The following PRDM16 variants were observed in gnomAD, a reference collection of about 807,000 sequenced individuals.
The protein encoded by PRDM16 is PR/SET domain 16.
PRDM16 carries 23 observed loss-of-function variants against 110.6 expected under a neutral mutation model. The ratio of observed to expected loss-of-function variants is 0.21; its 90% CI spans 0.15 to 0.29. The LOEUF (loss-of-function observed/expected upper bound fraction) is 0.29, where lower values mean the gene tolerates loss of function less well. Among genes scored for constraint, PRDM16 ranks in the 10% least tolerant of loss-of-function variants. PRDM16 has a pLI of 1.00. For synonymous variants in PRDM16, 799 were observed against 781.8 expected (o/e 1.02, Z -0.37); for missense variants, 1,615 against 1,794.3 (o/e 0.90, Z 1.81).
In PRDM16 at chr1:3,157,489, G is replaced by T. The variant is rs980738616; in HGVS notation, c.38-28636G>T. Among the ~76,000 whole-genome samples the T allele has an allele frequency of 1.3e-5, 2 of 150,108 alleles. No individual in the cohort carries two copies. The highest frequency in any genetic ancestry group is 2.9e-5 in the Non-Finnish European group (2 of 67,852). On this transcript the variant is annotated intron_variant, in intron 1 of 16. Coordinates refer to ENST00000270722, the MANE Select transcript of PRDM16 (RefSeq NM_022114.4). This position sits in a 1 kb window ranked among gnomAD's most constrained non-coding sequence, Gnocchi z 4.8. ...TTGATTGTCTCTTGAAAACAGACATGGGCCAGATCCAGTTGTTTGGTAGGA... is the reference window on the plus strand; with the variant it reads ...TTGATTGTCTCTTGAAAACAGACATTGGCCAGATCCAGTTGTTTGGTAGGA...
rs1050285087 is a variant in PRDM16, at chr1:3,243,180, C to T, written c.388-907C>T. Among the ~76,000 whole-genome samples the T allele has an allele frequency of 7.8e-4, 119 of 152,290 alleles. No homozygotes were observed. Among genetic ancestry groups the T allele is most frequent in the African/African-American group, 2.7e-3 (112 of 41,546 alleles). ...ACACGTGGGTGAGGGGGTGGGAGCT[C>T]CTGTGTGGCCCACAGCCCGCTGCTG... On this transcript the variant is annotated intron_variant, in intron 2 of 16. Coordinates refer to ENST00000270722, the MANE Select transcript of PRDM16 (RefSeq NM_022114.4). The surrounding 1 kb of genome is among the most constrained non-coding windows in gnomAD (Gnocchi z 5.5).
chr1:3,267,968 G>T (rs995230325), intron 3 of PRDM16, among the ~76,000 whole-genome samples: 2 of 152,234 alleles, frequency 1.3e-5, no homozygotes, highest in African/African-American at 4.8e-5. Flanking sequence ...TGTGACAGGG[G>T]GTGGATCTGC....
chr1:3,350,776 C>T lies in PRDM16; in HGVS notation c.439-34376C>T, dbSNP rs1470929612. ...GTGTCTGCCGACTTCTTCCCAATGC[C>T]GCGTCCAGTGTTTTCCTCTTTCTGG... On this transcript the variant is annotated intron_variant, in intron 3 of 16. Coordinates refer to ENST00000270722, the MANE Select transcript of PRDM16 (RefSeq NM_022114.4). This position sits in a 1 kb window ranked among gnomAD's most constrained non-coding sequence, Gnocchi z 7.1. Among the ~76,000 whole-genome samples the T allele has an allele frequency of 2.0e-5, 3 of 152,130 alleles. No individual in the cohort carries two copies. The highest frequency in any genetic ancestry group is 7.2e-5 in the African/African-American group (3 of 41,426).
At chr1:3,090,731 C>T (rs185257946) in intron 1 of PRDM16, among the ~76,000 whole-genome samples, 227 of 152,358 alleles carry the variant, frequency 1.5e-3, no homozygotes, top group African/African-American at 4.8e-3. Context: ...GGCTGCACCA[C>T]GGCCTGACCC....
At chr1:3,235,529 G>A (rs910514283) in intron 2 of PRDM16, among the ~76,000 whole-genome samples, 7 of 152,266 alleles carry the variant, frequency 4.6e-5, no homozygotes, top group Admixed American at 2.0e-4. Flanking sequence ...GATCCTTCCC[G>A]CTCGCCCCGC....
At chr1:3,137,212 G>A (rs560964837) in intron 1 of PRDM16, among the ~76,000 whole-genome samples, 2 of 152,234 alleles carry the variant, frequency 1.3e-5, no homozygotes, top group Admixed American at 1.3e-4. Context: ...ACCGAGAGCA[G>A]GGCCTTTCCT....
chr1:3,103,542 G>C (rs1642579719), intron 1 of PRDM16, among the ~76,000 whole-genome samples: 2 of 152,242 alleles, frequency 1.3e-5, no homozygotes, highest in South Asian at 4.1e-4. Flanking sequence ...GAGCATGACT[G>C]TTAGTGATAA....
At chr1:3,404,205 G>A (rs570921852) in intron 6 of PRDM16, among the ~76,000 whole-genome samples, 46 of 152,190 alleles carry the variant, frequency 3.0e-4, no homozygotes, top group Non-Finnish European at 5.3e-4. Flanking sequence ...GAATTAGAGC[G>A]ACTCCTTCAT....
intron 3 of PRDM16, among the ~76,000 whole-genome samples, chr1:3,314,825 G>T (rs1033906543): frequency 1.3e-5 from 2 of 152,212 alleles, no homozygotes; most frequent in Non-Finnish European, 2.9e-5. Flanking sequence ...CAGACAGATG[G>T]GACAGGAAAC....
intron 3 of PRDM16, among the ~76,000 whole-genome samples, chr1:3,289,355 C>A (rs376027496): frequency 6.6e-6 from 1 of 152,192 alleles, no homozygotes; most frequent in Non-Finnish European, 1.5e-5. Flanking sequence ...TCCCGATGCC[C>A]GCCGGAGTCT....
chr1:3,249,638 T>G (rs957750002), intron 3 of PRDM16, among the ~76,000 whole-genome samples: 4 of 152,200 alleles, frequency 2.6e-5, no homozygotes, highest in Admixed American at 6.5e-5. Context: ...TATGTCTTTA[T>G]GAAATCCAAG....
At position 3,404,840 on chromosome 1, in the gene PRDM16, T is replaced by G; in HGVS notation, c.986T>G (p.Met329Arg). ...NWKSNLIRHQ[M>R]SHDSGKRFEC... ...AAGTCCAACCTCATCCGCCACCAGA[T>G]GTCCCACGACAGCGGCAAACGCTTC... is the stretch of plus-strand genomic sequence containing the variant. The change falls in exon 7 of 17, where the codon ATG (methionine) becomes AGG (arginine). Residue 329 changes from methionine to arginine, a missense_variant. By Grantham distance (91) the Met-to-Arg change is moderately conservative (BLOSUM62 -1). Transcript: ENST00000270722. 6.2e-7 allele frequency: 1 copy of G among 1,613,522 alleles called. No individual in the cohort carries two copies. The highest frequency in any genetic ancestry group is 1.7e-4 in the Middle Eastern group (1 of 6,060).
At chr1:3,411,015 G>A (rs1168738650) in intron 8 of PRDM16, among the ~76,000 whole-genome samples, 1 of 152,154 alleles carries the variant, frequency 6.6e-6, no homozygotes, top group Non-Finnish European at 1.5e-5. Flanking sequence ...GATCTGTGCT[G>A]GTCACTGGAG....
chr1:3,146,571 G>A (rs574950894), intron 1 of PRDM16, among the ~76,000 whole-genome samples: 1 of 148,780 alleles, frequency 6.7e-6, no homozygotes, highest in African/African-American at 2.5e-5. Context: ...ACACATGTGT[G>A]CTCGGTGTGG....
At chr1:3,404,209 C>T (rs1320231759) in intron 6 of PRDM16, among the ~76,000 whole-genome samples, 1 of 152,206 alleles carries the variant, frequency 6.6e-6, no homozygotes, top group African/African-American at 2.4e-5. Context: ...TAGAGCGACT[C>T]CTTCATCCAA....
chr1:3,433,432 C>T (rs921422367), intron 16 of PRDM16, among the ~76,000 whole-genome samples: 4 of 152,154 alleles, frequency 2.6e-5, no homozygotes, highest in African/African-American at 9.7e-5. Context: ...GATGGCCTGT[C>T]CTGCCCACAC....
chr1:3,390,836 T>C lies in PRDM16; in HGVS notation c.573+5550T>C, dbSNP rs1407334586. On this transcript the variant is annotated intron_variant, in intron 4 of 16. Coordinates refer to ENST00000270722, the MANE Select transcript of PRDM16 (RefSeq NM_022114.4). The surrounding 1 kb of genome is among the most constrained non-coding windows in gnomAD (Gnocchi z 5.0). ...TTTGCTTTTATCTCTCACAGTGTGT[T>C]TTTTTTTTTTTTTTTTTAGACAGAG... Among the ~76,000 whole-genome samples, 4 of 75,736 alleles carry C rather than the reference T, an allele frequency of 5.3e-5. No individual in the cohort carries two copies. The East Asian group carries it at 4.9e-3, about 94-fold the overall frequency. 49.7% of individuals were successfully genotyped at this position (75,736 alleles called of 152,430 possible).
intron 1 of PRDM16, among the ~76,000 whole-genome samples, chr1:3,128,725 G>C (rs61765197): frequency 2.0e-5 from 3 of 152,018 alleles, no homozygotes; most frequent in Non-Finnish European, 4.4e-5. Context: ...TCCCACCCGG[G>C]TCGGTGGCTG....
chr1:3,240,548 G>A (rs916830916), intron 2 of PRDM16, among the ~76,000 whole-genome samples: 11 of 152,144 alleles, frequency 7.2e-5, no homozygotes, highest in African/African-American at 2.7e-4. Flanking sequence ...AGCCTCCTCC[G>A]CACCGGGCTC....
Sources: gnomAD v4.1 joint callset for allele counts (sites outside exome capture counted in the v4.1 genomes callset) on GRCh38, gnomAD v4.1.1 for gene constraint, Gnocchi (gnomAD v3.1) non-coding constraint, MANE v1.5 for transcripts, NCBI Gene and HGNC (gene_info 2026-07-23, HGNC 2026-07-21) for gene names.